Variants in ALG12 observed in about 807,000 individuals in gnomAD.
ALG12 encodes the protein ALG12 alpha-1,6-mannosyltransferase.
ALG12 carries 36 observed loss-of-function variants against 46.0 expected under a neutral mutation model. That is an observed-to-expected ratio of 0.78 (90% CI 0.60 to 1.03). The LOEUF (loss-of-function observed/expected upper bound fraction) is 1.03, where lower values mean the gene tolerates loss of function less well. Among genes scored for constraint, ALG12 ranks in the 50% least tolerant of loss-of-function variants. ALG12 has a pLI of 0.00. For missense variants in ALG12, 599 were observed against 633.5 expected, an observed-to-expected ratio of 0.95 and a Z score of 0.58; for synonymous variants, 326 against 291.6, an observed-to-expected ratio of 1.12 and a Z score of -1.20.
At chr22:49,892,989 G>A in the ALG12 span, among the ~76,000 whole-genome samples, 410 of 152,296 alleles carry the variant, frequency 2.7e-3, no homozygotes, top group Non-Finnish European at 4.7e-3. Flanking sequence ...TGAGAAGGTG[G>A]AGAATGCCAC....
chr22:49,917,949 G>A (rs1452731877), intron 1 of ALG12, among the ~76,000 whole-genome samples: 1 of 151,366 alleles, frequency 6.6e-6, no homozygotes, highest in Non-Finnish European at 1.5e-5. Context: ...GGGAGGTCCG[G>A]CCCCAGGTGA....
chr22:49,863,034 T>G, the ALG12 span, among the ~76,000 whole-genome samples: 1 of 152,096 alleles, frequency 6.6e-6, no homozygotes, highest in Non-Finnish European at 1.5e-5. Flanking sequence ...GGTTACATTA[T>G]CCACCCCACC....
chr22:49,871,449 CTCCAGCCTGGGCGACAGAGTGAG>C, the ALG12 span, among the ~76,000 whole-genome samples: 1 of 152,004 alleles, frequency 6.6e-6, no homozygotes, highest in South Asian at 2.1e-4. Flanking sequence ...TGCCACTGCA[CTCCAGCCTGGGCGACAGAGTGAG>C]ACTCTGTCTC....
Position 49,904,344 on chromosome 22 carries a change from G to C in ALG12, c.1155C>G (p.Pro385=). The C allele has an allele frequency of 6.2e-7, 1 of 1,614,192 alleles. No individual in the cohort carries two copies. The highest frequency in any genetic ancestry group is 8.5e-7 in the Non-Finnish European group (1 of 1,180,028). ...AMQRLHQLVP[P]QTDVLLHIDV... ...AGTGCCCCCAGCACCCACCTGTCTGGGGGGGCACCAGCTGGTGCAGCCTCT... is the reference window on the plus strand; with the variant it reads ...AGTGCCCCCAGCACCCACCTGTCTGCGGGGGCACCAGCTGGTGCAGCCTCT... The change falls in exon 8 of 10, where the codon CCC becomes CCG. Residue 385 remains proline (P), a synonymous_variant. Transcript: ENST00000330817.
At position 49,902,338 on chromosome 22, in the gene ALG12, ACT is replaced by A. The variant is rs2060515342; in HGVS notation, c.*1498_*1499del. 1 of 95,894 alleles carries A rather than the reference ACT, an allele frequency of 1.0e-5. No homozygotes were observed. Among genetic ancestry groups the A allele is most frequent in the Admixed American group, 9.3e-5 (1 of 10,778 alleles). The allele number at this position is 95,894 out of a possible 1,614,324, so 5.9% of individuals were successfully genotyped here. ...GATGCATGGTAATGTGCACGTGTGCACTGTGTGTGGTGTGTATGCATGGTGTG... is the reference window on the plus strand; with the variant it reads ...GATGCATGGTAATGTGCACGTGTGCAGTGTGTGGTGTGTATGCATGGTGTG... On this transcript the variant is annotated 3_prime_UTR_variant, in exon 10 of 10. Coordinates refer to ENST00000330817, the MANE Select transcript of ALG12 (RefSeq NM_024105.4).
the ALG12 span, among the ~76,000 whole-genome samples, chr22:49,862,944 C>T: frequency 6.6e-6 from 1 of 152,042 alleles, no homozygotes; most frequent in Non-Finnish European, 1.5e-5. Context: ...TTAGGTGATC[C>T]ACCTGCCTCA....
the ALG12 span, chr22:49,885,118 CGGGGGAAGAA>C: frequency 6.2e-7 from 1 of 1,614,120 alleles, no homozygotes; most frequent in Non-Finnish European, 8.5e-7. Flanking sequence ...TGCCATCAGC[CGGGGGAAGAA>C]GGGTGATGTG....
rs887531717 is a variant in ALG12 at position 49,905,630 on chromosome 22, T to C, written c.993-1124A>G. 2.6e-5 allele frequency among the ~76,000 whole-genome samples: 4 copies of C among 152,332 alleles called. No individual in the cohort carries two copies. Among genetic ancestry groups the C allele is most frequent in the East Asian group, 1.9e-4 (1 of 5,176 alleles). ...AAGCGTGCCCGCTTCCCTCTCGCCT[T>C]CCGCCATAATGGAAAGTTTTCCCAG... On this transcript the variant is annotated intron_variant, in intron 7 of 9. Transcript: ENST00000330817. The surrounding 1 kb of genome is among the most constrained non-coding windows in gnomAD (Gnocchi z 4.9).
In ALG12 at chr22:49,913,628, G is replaced by A. The variant is rs2060593620; in HGVS notation, c.138C>T (p.Leu46=). Residue 46 remains leucine, a synonymous_variant, in exon 2 of 10, where the codon CTC becomes CTT. Coordinates refer to ENST00000330817, the MANE Select transcript of ALG12 (RefSeq NM_024105.4). ...CCTGCTCCAGGTCTTGCCAGTGGTA[G>A]AGCAGGTCATGTGTGGCCTGCAGGT... ...SFNLQATHDL[L]YHWQDLEQYD... 5 of 1,614,148 alleles carry A rather than the reference G, an allele frequency of 3.1e-6. No homozygotes were observed. The highest frequency in any genetic ancestry group is 4.2e-6 in the Non-Finnish European group (5 of 1,180,032).
chr22:49,870,100 G>A, the ALG12 span, among the ~76,000 whole-genome samples: 1 of 152,142 alleles, frequency 6.6e-6, no homozygotes, highest in Non-Finnish European at 1.5e-5. Context: ...TCCTGTGTTT[G>A]TTCACTTAGG....
At position 49,900,289 on chromosome 22, in the gene ALG12, T is replaced by C. The variant is rs959871415; in HGVS notation, c.*3549A>G. On this transcript the variant is annotated 3_prime_UTR_variant, in exon 10 of 10. Coordinates refer to ENST00000330817, the MANE Select transcript of ALG12 (RefSeq NM_024105.4). ...CATGGGAGATAAACCAGGAGACAAT[T>C]ATGCTCATTACCAAAAAGCGAGGAG... 2 of 152,230 alleles carry C rather than the reference T, an allele frequency of 1.3e-5. No individual in the cohort carries two copies. The highest frequency in any genetic ancestry group is 4.8e-5 in the African/African-American group (2 of 41,444). The allele number at this position is 152,230 out of a possible 1,614,324, so 9.4% of individuals were successfully genotyped here.
the ALG12 span, among the ~76,000 whole-genome samples, chr22:49,870,890 C>T: frequency 2.0e-5 from 3 of 151,800 alleles, no homozygotes; most frequent in South Asian, 2.1e-4. Flanking sequence ...GAAGCAAATA[C>T]CCAAAATCAT....
the ALG12 span, chr22:49,887,363 G>C: frequency 3.8e-6 from 2 of 530,616 alleles, no homozygotes; most frequent in Non-Finnish European, 3.3e-6. Context: ...CAAGTTTCGC[G>C]GGGTGTTTTA....
At chr22:49,898,464 A>G (rs2060492359), downstream of ALG12, among the ~76,000 whole-genome samples, 1 of 150,922 alleles carries the variant, frequency 6.6e-6, no homozygotes, top group Non-Finnish European at 1.5e-5. Context: ...ATCTCAGCTC[A>G]CTGCAACCTC....
At chr22:49,904,596 G>A in intron 7 of ALG12, 90 bp from the exon 8 acceptor site, 2 of 1,436,484 alleles carry the variant, frequency 1.4e-6, no homozygotes, top group Admixed American at 1.9e-5. Flanking sequence ...ATAACCTGCT[G>A]TTCAACTTCA....
At chr22:49,917,628 A>G (rs1039109153) in intron 1 of ALG12, among the ~76,000 whole-genome samples, 1 of 152,162 alleles carries the variant, frequency 6.6e-6, no homozygotes, top group African/African-American at 2.4e-5. Flanking sequence ...AGATCGCGCC[A>G]CTGCACTCCA....
the ALG12 span, among the ~76,000 whole-genome samples, chr22:49,861,299 G>A: frequency 2.0e-5 from 3 of 152,096 alleles, no homozygotes; most frequent in East Asian, 1.9e-4. Flanking sequence ...CCGCCACCAC[G>A]CCCAGCTAAT....
the ALG12 span, among the ~76,000 whole-genome samples, chr22:49,864,676 C>T: frequency 6.6e-6 from 1 of 151,866 alleles, no homozygotes; most frequent in African/African-American, 2.4e-5. Flanking sequence ...AAAATATTAG[C>T]CAGGTGTGGT....
At chr22:49,869,218 G>A in the ALG12 span, among the ~76,000 whole-genome samples, 1 of 152,130 alleles carries the variant, frequency 6.6e-6, no homozygotes, top group Admixed American at 6.6e-5. Context: ...TCAGTGTGAA[G>A]TTGTGGCTTT....
Sources: gnomAD v4.1 joint callset for allele counts (sites outside exome capture counted in the v4.1 genomes callset) on GRCh38, gnomAD v4.1.1 for gene constraint, Gnocchi (gnomAD v3.1) non-coding constraint, MANE v1.5 for transcripts, NCBI Gene and HGNC (gene_info 2026-07-23, HGNC 2026-07-21) for gene names.